Variants in SHCBP1 observed in about 807,000 individuals in gnomAD.
SHCBP1 encodes SHC SH2 domain-binding protein 1.
In SHCBP1, 60 loss-of-function variants were observed where a neutral mutation model predicts 75.1. That is an observed-to-expected ratio of 0.80 (90% CI 0.65 to 0.99). SHCBP1 has a LOEUF of 0.99. Among genes scored for constraint, SHCBP1 ranks in the 50% least tolerant of loss-of-function variants. The probability of loss-of-function intolerance (pLI) is 0.00; values close to 1 mark genes in which losing one functional copy is unlikely to be tolerated. For synonymous variants in SHCBP1, 290 were observed against 293.2 expected, an observed-to-expected ratio of 0.99 and a Z score of 0.11; for missense variants, 709 against 809.4, an observed-to-expected ratio of 0.88 and a Z score of 1.50.
chr16:46,592,324 C>A (rs1233672293), intron 10 of SHCBP1, among the ~76,000 whole-genome samples: 1 of 152,084 alleles, frequency 6.6e-6, no homozygotes, highest in African/African-American at 2.4e-5. Context: ...ACAAACAATT[C>A]TATGCATATA....
At chr16:46,591,974 T>C (rs1965054149) in intron 10 of SHCBP1, among the ~76,000 whole-genome samples, 1 of 152,098 alleles carries the variant, frequency 6.6e-6, no homozygotes, top group African/African-American at 2.4e-5. Context: ...GACAAGTTTA[T>C]AGCATTAAAT....
chr16:46,593,493 G>A (rs1342280052), intron 10 of SHCBP1, among the ~76,000 whole-genome samples: 4 of 152,182 alleles, frequency 2.6e-5, no homozygotes, highest in African/African-American at 9.7e-5. Flanking sequence ...CACTTCGGGA[G>A]ACTGAAGCAG....
chr16:46,583,539 T>G lies in SHCBP1; in HGVS notation c.1670A>C (p.Glu557Ala). The G allele has an allele frequency of 6.2e-7, 1 of 1,600,946 alleles. No individual in the cohort carries two copies. Among genetic ancestry groups the G allele is most frequent in the Non-Finnish European group, 8.5e-7 (1 of 1,177,220 alleles). Reference protein sequence around the residue: ...VKPTIFSDLQENAEDGTEENK... With the variant: ...VKPTIFSDLQANAEDGTEENK... The stretch of plus-strand genomic sequence containing the variant: ...ACCTTCAGTTCCATCTTCAGCATTT[T>G]CTTGCAGGTCAGAGAAGATTGTAGG... Residue 557 changes from glutamate to alanine, a missense_variant, in exon 12 of 13, where the codon GAA becomes GCA. Transcript: ENST00000303383.
rs1596690945 is a variant in SHCBP1 at position 46,616,292 on chromosome 16, A to G, written c.388-138T>C. On this transcript the variant is annotated intron_variant, in intron 3 of 12. Coordinates refer to ENST00000303383, the MANE Select transcript of SHCBP1 (RefSeq NM_024745.5). This position sits in a 1 kb window ranked among gnomAD's most constrained non-coding sequence, Gnocchi z 4.4. ...TTTACCCATAATATAAAGGATGAACAAGACAGGCTGCCTCTTACCCTCATG... is the reference window on the plus strand; with the variant it reads ...TTTACCCATAATATAAAGGATGAACGAGACAGGCTGCCTCTTACCCTCATG... 11 of 784,258 alleles carry G rather than the reference A, an allele frequency of 1.4e-5. No individual in the cohort carries two copies. The East Asian group carries it at 3.0e-4, about 21-fold the overall frequency. The allele number at this position is 784,258 out of a possible 1,614,324, so 48.6% of individuals were successfully genotyped here.
Position 46,604,331 on chromosome 16 carries a change from C to T in SHCBP1, c.820G>A (p.Asp274Asn). ...ATGGAGATATTTTCCTGCTCGGAATCAGAGTTACAATTTGACAAACTGCTT... is the reference window on the plus strand; with the variant it reads ...ATGGAGATATTTTCCTGCTCGGAATTAGAGTTACAATTTGACAAACTGCTT... ...LRSSLSNCNSDSEQENISMVE... is the reference protein window; with the variant it reads ...LRSSLSNCNSNSEQENISMVE... The change falls in exon 6 of 13, where the codon GAT (aspartate) becomes AAT (asparagine). Residue 274 changes from aspartate to asparagine, a missense_variant. Coordinates refer to ENST00000303383, the MANE Select transcript of SHCBP1 (RefSeq NM_024745.5). The T allele has an allele frequency of 6.2e-7, 1 of 1,614,194 alleles. No homozygotes were observed. Among genetic ancestry groups the T allele is most frequent in the African/African-American group, 1.3e-5 (1 of 75,068 alleles).
intron 8 of SHCBP1, among the ~76,000 whole-genome samples, chr16:46,601,625 T>G (rs1965238286): frequency 1.3e-5 from 2 of 152,214 alleles, no homozygotes; most frequent in African/African-American, 4.8e-5. Flanking sequence ...CACACTGGAA[T>G]GCTACCAGGG....
At chr16:46,599,786 T>C in intron 9 of SHCBP1, 45 bp downstream of exon 9, 1 of 1,516,732 alleles carries the variant, frequency 6.6e-7, no homozygotes, top group South Asian at 1.3e-5. Flanking sequence ...ACCGTTTACC[T>C]TCAAATCTTA....
intron 10 of SHCBP1, among the ~76,000 whole-genome samples, chr16:46,591,409 C>CA (rs1965046410): frequency 6.6e-6 from 1 of 151,482 alleles, no homozygotes; most frequent in South Asian, 2.1e-4. Flanking sequence ...GACTTTGGAG[C>CA]AAAAAAAATT....
chr16:46,584,299 CCACACACACA>C (rs71158873), intron 10 of SHCBP1: 811 of 247,998 alleles, frequency 3.3e-3, no homozygotes, highest in East Asian at 8.4e-3. Context: ...ATTTTCAAAA[CCACACACACA>C]CACACACACA....
intron 10 of SHCBP1, among the ~76,000 whole-genome samples, chr16:46,588,412 C>T (rs1317845178): frequency 6.6e-6 from 1 of 151,862 alleles, no homozygotes; most frequent in African/African-American, 2.4e-5. Flanking sequence ...ACAAAATTGA[C>T]AGACCACTAG....
At chr16:46,605,492 G>GT (rs1358809778) in intron 5 of SHCBP1, among the ~76,000 whole-genome samples, 3 of 152,256 alleles carry the variant, frequency 2.0e-5, no homozygotes, top group African/African-American at 7.2e-5. Context: ...GGAGGCTGAG[G>GT]TGGGAGGATG....
chr16:46,595,685 C>T lies in SHCBP1; in HGVS notation c.1346-15G>A, dbSNP rs756001686. The T allele has an allele frequency of 5.7e-6, 9 of 1,587,940 alleles. No homozygotes were observed. The African/African-American group carries it at 8.1e-5, about 14-fold the overall frequency. On this transcript the variant is annotated splice_polypyrimidine_tract_variant and intron_variant, in intron 9 of 12. Coordinates refer to ENST00000303383, the MANE Select transcript of SHCBP1 (RefSeq NM_024745.5). Reference sequence around the variant, plus strand: ...ACGGTGAACAACTGGGATGAAAATACACGCTGACTGTTTTAAGAAGTAATG... The same window carrying T: ...ACGGTGAACAACTGGGATGAAAATATACGCTGACTGTTTTAAGAAGTAATG...
Position 46,616,974 on chromosome 16 carries a change from A to G in SHCBP1, c.387+660T>C, listed in dbSNP as rs1288393149. Among the ~76,000 whole-genome samples, 1 of 152,172 alleles carries G rather than the reference A, an allele frequency of 6.6e-6. No homozygotes were observed. The highest frequency in any genetic ancestry group is 1.5e-5 in the Non-Finnish European group (1 of 68,018). ...ATTTTCTAAGGGAGCTGCAGCAACA[A>G]CTTGTATTCACACTCCCTGGTTTGA... On this transcript the variant is annotated intron_variant, in intron 3 of 12. Coordinates refer to ENST00000303383, the MANE Select transcript of SHCBP1 (RefSeq NM_024745.5). This position sits in a 1 kb window ranked among gnomAD's most constrained non-coding sequence, Gnocchi z 4.4.
Position 46,621,153 on chromosome 16 carries a change from A to C in SHCBP1, c.103+104T>G, listed in dbSNP as rs916669797. The stretch of plus-strand genomic sequence containing the variant: ...CGCACCGCCGTTCCCGCCACCCTGG[A>C]CAGACGGGTCCGGAAGGCCCGCGAC... On this transcript the variant is annotated intron_variant, in intron 1 of 12. Coordinates refer to ENST00000303383, the MANE Select transcript of SHCBP1 (RefSeq NM_024745.5). The C allele has an allele frequency of 7.6e-6, 8 of 1,055,948 alleles. No individual in the cohort carries two copies. The Admixed American group carries it at 1.1e-4, about 14-fold the overall frequency. 65.4% of individuals were successfully genotyped at this position (1,055,948 alleles called of 1,614,324 possible). A position where few individuals can be genotyped will look rare whatever the true frequency, so the allele number is the denominator to read the frequency against.
chr16:46,601,501 CTT>C (rs1965236272), intron 8 of SHCBP1, among the ~76,000 whole-genome samples: 1 of 152,146 alleles, frequency 6.6e-6, no homozygotes. Context: ...AAAGACGAAT[CTT>C]TGAGTAAATG....
At chr16:46,615,212 T>C (rs1329963985) in intron 4 of SHCBP1, among the ~76,000 whole-genome samples, 4 of 152,238 alleles carry the variant, frequency 2.6e-5, no homozygotes, top group Admixed American at 6.5e-5. Context: ...ATAATACACA[T>C]AACATAGAAA....
At chr16:46,602,776 G>A (rs560952098) in intron 8 of SHCBP1, among the ~76,000 whole-genome samples, 12 of 152,234 alleles carry the variant, frequency 7.9e-5, no homozygotes, top group Admixed American at 2.6e-4. Context: ...GATTACAGGC[G>A]TGCAACAACA....
intron 4 of SHCBP1, among the ~76,000 whole-genome samples, chr16:46,610,765 T>C (rs1485530474): frequency 6.6e-6 from 1 of 151,504 alleles, no homozygotes; most frequent in African/African-American, 2.4e-5. Flanking sequence ...CGCCATGTTG[T>C]CTAGGCTGGT....
chr16:46,613,012 C>A (rs1005088498), intron 4 of SHCBP1, among the ~76,000 whole-genome samples: 1 of 152,168 alleles, frequency 6.6e-6, no homozygotes, highest in Non-Finnish European at 1.5e-5. Context: ...CCAATTCCAT[C>A]TCCCACCATT....
Sources: allele counts gnomAD v4.1 joint callset (sites outside exome capture counted in the v4.1 genomes callset), GRCh38; gene constraint gnomAD v4.1.1; non-coding constraint Gnocchi (gnomAD v3.1); transcripts MANE v1.5; gene names NCBI Gene and HGNC (gene_info 2026-07-23, HGNC 2026-07-21).